CACNA1F: variants seen among roughly 807,000 people sequenced by gnomAD.
CACNA1F encodes the protein voltage-dependent L-type calcium channel subunit alpha-1F.
Under a neutral mutation model 143.8 loss-of-function variants are expected in CACNA1F, and 59 were observed. The ratio of observed to expected loss-of-function variants is 0.41; its 90% CI spans 0.33 to 0.51. The LOEUF is 0.51. Ranked by LOEUF, CACNA1F falls within the 20% of genes least tolerant of loss-of-function variation. CACNA1F has a pLI of 0.22. For synonymous variants in CACNA1F, 643 were observed against 649.1 expected (o/e 0.99, Z 0.14); for missense variants, 1,411 against 1,647.5 (o/e 0.86, Z 2.48).
chrX:49,224,504 C>T (rs782395611), intron 14 of CACNA1F, among the ~76,000 whole-genome samples: 1 of 110,188 alleles, frequency 9.1e-6, no homozygotes, highest in South Asian at 3.9e-4. Context: ...TGGGGAAAAA[C>T]GTTAGAGCAG....
intron 34 of CACNA1F, 64 bp from the exon 35 acceptor site, chrX:49,212,053 A>G: frequency 1.1e-6 from 1 of 934,268 alleles, no homozygotes; most frequent in East Asian, 3.1e-5. Context: ...CACACCTCCT[A>G]ATACCTAAAG....
chrX:49,212,883 A>G, intron 32 of CACNA1F, 88 bp from the exon 33 acceptor site: 2 of 1,167,311 alleles, frequency 1.7e-6, no homozygotes, highest in Non-Finnish European at 2.3e-6. Flanking sequence ...CAGTACCCAA[A>G]TCACTCAGGC....
chrX:49,215,004 A>G, intron 29 of CACNA1F, 82 bp downstream of exon 29: 1 of 950,954 alleles, frequency 1.1e-6, no homozygotes, highest in Non-Finnish European at 1.5e-6. Flanking sequence ...TTGCAGCCTT[A>G]AATGTTCCCA....
intron 8 of CACNA1F, 78 bp from the exon 9 acceptor site, chrX:49,227,205 T>C: frequency 1.3e-6 from 1 of 785,670 alleles, no homozygotes; most frequent in Non-Finnish European, 1.9e-6. Flanking sequence ...CACACTAGCC[T>C]CCTAGCTACT....
rs782180501 is a variant in CACNA1F, at chrX:49,228,345, T to C, written c.920A>G (p.Asn307Ser). The C allele has an allele frequency of 2.6e-5, 31 of 1,209,691 alleles. No homozygotes were observed. The highest frequency in any genetic ancestry group is 2.3e-4 in the Middle Eastern group (1 of 4,377). ...GTTGTCAAAGTTGGTGATGCCTCCA[T>C]TGGGCCCTGGCCAGCGCCCGCGGCA... ...TECRGRWPGPNGGITNFDNFF... is the reference protein window; with the variant it reads ...TECRGRWPGPSGGITNFDNFF... Residue 307 changes from asparagine (N) to serine (S), a missense_variant, in exon 7 of 48, where the codon AAT (asparagine) becomes AGT (serine). Coordinates refer to ENST00000323022, the MANE Select transcript of CACNA1F (RefSeq NM_001256789.3).
Position 49,225,592 on chromosome X carries a change from C to T in CACNA1F, c.1651+317G>A, listed in dbSNP as rs782003401. Among the ~76,000 whole-genome samples the T allele has an allele frequency of 1.1e-4, 12 of 111,397 alleles. No individual in the cohort carries two copies. In the South Asian group the frequency reaches 2.3e-3, roughly 21 times the overall value. On this transcript the variant is annotated intron_variant, in intron 13 of 47. Coordinates refer to ENST00000323022, the MANE Select transcript of CACNA1F (RefSeq NM_001256789.3). Reference sequence around the variant, plus strand: ...GCTCTGCCACTCGCTAGCTGGGTCCCGAGATTAGTCGCTTAACCCCTCAGT... The same window carrying T: ...GCTCTGCCACTCGCTAGCTGGGTCCTGAGATTAGTCGCTTAACCCCTCAGT...
At chrX:49,217,061 C>T (rs781983946) in intron 26 of CACNA1F, among the ~76,000 whole-genome samples, 19 of 111,243 alleles carry the variant, frequency 1.7e-4, no homozygotes, top group Non-Finnish European at 3.4e-4. Context: ...CGGGTTCAAG[C>T]GATTCTCCCT....
Position 49,230,207 on chromosome X carries a change from C to A in CACNA1F, c.817+13G>T. 1 of 1,193,454 alleles carries A rather than the reference C, an allele frequency of 8.4e-7. No homozygotes were observed. Among genetic ancestry groups the A allele is most frequent in the Non-Finnish European group, 1.1e-6 (1 of 883,357 alleles). Reference sequence around the variant, plus strand: ...GGGGGCATGTTCTGCCTAGGAGGGGCGGGCAGACTAACCGGATCCCAGGAA... The same window carrying A: ...GGGGGCATGTTCTGCCTAGGAGGGGAGGGCAGACTAACCGGATCCCAGGAA... On this transcript the variant is annotated intron_variant, in intron 6 of 47. Coordinates refer to ENST00000323022, the MANE Select transcript of CACNA1F (RefSeq NM_001256789.3).
chrX:49,215,774 C>T lies in CACNA1F; in HGVS notation c.3237-231G>A, dbSNP rs188552098. ...CTCTGTCCCATGCCCTCAGAAACCC[C>T]CATAGAGTCCTCCAGAGAATCTCCA... On this transcript the variant is annotated intron_variant, in intron 27 of 47. Transcript: ENST00000323022. Among the ~76,000 whole-genome samples, 154 of 109,858 alleles carry T rather than the reference C, an allele frequency of 1.4e-3. 1 individual carries two copies. Among genetic ancestry groups the T allele is most frequent in the African/African-American group, 4.9e-3 (147 of 30,113 alleles).
Position 49,208,553 on chromosome X carries a change from A to T in CACNA1F, c.5085T>A (p.Ser1695Arg), listed in dbSNP as rs782806093. The change falls in exon 43 of 48, where the codon AGT becomes AGA. Residue 1695 changes from serine to arginine, a missense_variant. Coordinates refer to ENST00000323022, the MANE Select transcript of CACNA1F (RefSeq NM_001256789.3). ...SDDDRGTPTS[S>R]QPSVPQAGSN... ...ATCCAGCCTGGGGCACACTGGGCTG[A>T]CTGGAGGTGGGAGTCCCCCTGTCAT... The T allele has an allele frequency of 1.7e-6, 2 of 1,210,415 alleles. No homozygotes were observed. The highest frequency in any genetic ancestry group is 3.5e-5 in the South Asian group (2 of 56,806).
chrX:49,231,963 A>G (rs2065883745), intron 1 of CACNA1F, 36 bp from the exon 2 acceptor site: 2 of 1,137,200 alleles, frequency 1.8e-6, no homozygotes, highest in East Asian at 6.5e-5. Context: ...GGGACAGGGT[A>G]TTGGGGCAAT....
chrX:49,206,976 G>A (rs199631063), intron 44 of CACNA1F, 29 bp downstream of exon 44: 542 of 1,124,945 alleles, frequency 4.8e-4, no homozygotes, highest in Admixed American at 5.9e-4. Context: ...CAGCTCATGG[G>A]TTCATCCCAT....
At chrX:49,210,480 C>G (rs1156620171) in intron 38 of CACNA1F, 77 bp from the exon 39 acceptor site, 3 of 1,016,801 alleles carry the variant, frequency 3.0e-6, no homozygotes, top group Non-Finnish European at 4.2e-6. Flanking sequence ...GGGCAGAAAC[C>G]TCTGAGGATG....
chrX:49,219,179 G>T, intron 21 of CACNA1F, 142 bp downstream of exon 21: 2 of 650,349 alleles, frequency 3.1e-6, no homozygotes, highest in Non-Finnish European at 4.9e-6. Flanking sequence ...GTAAAGGCTG[G>T]CATTGCATCA....
chrX:49,216,294 C>T (rs781868971), intron 27 of CACNA1F, 88 bp downstream of exon 27: 15 of 989,112 alleles, frequency 1.5e-5, no homozygotes, highest in Non-Finnish European at 2.1e-5. Flanking sequence ...CCCCAAGGTA[C>T]ACTCCCACCC....
intron 4 of CACNA1F, 33 bp from the exon 5 acceptor site, chrX:49,230,642 G>A: frequency 8.7e-7 from 1 of 1,152,224 alleles, no homozygotes; most frequent in Non-Finnish European, 1.2e-6. Context: ...GGAGGCGGAG[G>A]TCAGGCCTTG....
intron 29 of CACNA1F, among the ~76,000 whole-genome samples, 194 bp downstream of exon 29, chrX:49,214,892 C>G (rs782744060): frequency 9.1e-6 from 1 of 110,370 alleles, no homozygotes; most frequent in African/African-American, 3.3e-5. Flanking sequence ...CTTACATCTC[C>G]GAAATCAGAA....
intron 18 of CACNA1F, 132 bp from the exon 19 acceptor site, chrX:49,220,656 G>T (rs1419935259): frequency 4.4e-5 from 25 of 570,996 alleles, no homozygotes; most frequent in Non-Finnish European, 6.8e-5. Flanking sequence ...TGCACATATG[G>T]CTGGGCGCAG....
At position 49,209,352 on chromosome X, in the gene CACNA1F, C is replaced by T; in HGVS notation, c.4863G>A (p.Arg1621=). The change falls in exon 42 of 48, where the codon CGG becomes CGA. Residue 1621 remains arginine, a synonymous_variant. Coordinates refer to ENST00000323022, the MANE Select transcript of CACNA1F (RefSeq NM_001256789.3). ...RSLQDLGPEM[R]QALTCDTEEE... ...CCTCTGTGTCACAGGTGAGGGCCTG[C>T]CGCATCTCAGGACCCAAGTCCTGCA... 1.7e-6 allele frequency: 2 copies of T among 1,209,597 alleles called. No homozygotes were observed. The highest frequency in any genetic ancestry group is 3.5e-5 in the African/African-American group (2 of 57,848).
Sources: allele counts gnomAD v4.1 joint callset (sites outside exome capture counted in the v4.1 genomes callset), GRCh38; gene constraint gnomAD v4.1.1; transcripts MANE v1.5; gene names NCBI Gene and HGNC (gene_info 2026-07-23, HGNC 2026-07-21).